The following PLGRKT variants were observed in gnomAD, a reference collection of about 807,000 sequenced individuals.
The protein encoded by PLGRKT is plasminogen receptor with a C-terminal lysine, also known as plasminogen receptor (KT).
PLGRKT carries 22 observed loss-of-function variants against 18.5 expected under a neutral mutation model. That is an observed-to-expected ratio of 1.19 (90% CI 0.85 to 1.70). PLGRKT has a LOEUF of 1.70. Among genes scored for constraint, PLGRKT ranks in the 40% most tolerant of loss-of-function variants. The probability of loss-of-function intolerance (pLI) is 0.00; values close to 1 mark genes in which losing one functional copy is unlikely to be tolerated. For missense variants in PLGRKT, 235 were observed against 174.4 expected (o/e 1.35, Z -1.96); for synonymous variants, 72 against 52.8 (o/e 1.36, Z -1.58).
chr9:5,403,371 A>T (rs1227281693), intron 3 of PLGRKT, among the ~76,000 whole-genome samples: 3 of 149,196 alleles, frequency 2.0e-5, no homozygotes, highest in African/African-American at 7.7e-5. Context: ...TTACAGGCGC[A>T]CGCCACCACT....
At chr9:5,390,883 A>G (rs1817937927) in intron 3 of PLGRKT, among the ~76,000 whole-genome samples, 1 of 151,970 alleles carries the variant, frequency 6.6e-6, no homozygotes, top group African/African-American at 2.4e-5. Flanking sequence ...AATCTTCAAA[A>G]AGAAAAAAGT....
intron 3 of PLGRKT, among the ~76,000 whole-genome samples, chr9:5,413,615 C>T (rs1033110785): frequency 6.6e-6 from 1 of 152,136 alleles, no homozygotes; most frequent in Non-Finnish European, 1.5e-5. Flanking sequence ...CTAAAAAAGG[C>T]AAGGAAAGAG....
intron 3 of PLGRKT, among the ~76,000 whole-genome samples, chr9:5,427,359 T>C (rs1818723082): frequency 6.6e-6 from 1 of 151,986 alleles, no homozygotes; most frequent in South Asian, 2.1e-4. Context: ...AATTTGGATA[T>C]ACCAAAGAGA....
rs1586753206 is a variant in PLGRKT at position 5,436,699 on chromosome 9, GAATA to G, written c.-132-9_-132-6del. 6.6e-6 allele frequency: 1 copy of G among 152,192 alleles called. No individual in the cohort carries two copies. Among genetic ancestry groups the G allele is most frequent in the African/African-American group, 2.4e-5 (1 of 41,428 alleles). The allele number at this position is 152,192 out of a possible 1,614,324, so 9.4% of individuals were successfully genotyped here. ...CTTCCTTATGGGAAACCACACCTGAGAATAAATAAATGCATCACACCTTGTAAAT... is the reference window on the plus strand; with the variant it reads ...CTTCCTTATGGGAAACCACACCTGAGAATAAATGCATCACACCTTGTAAAT... On this transcript the variant is annotated splice_polypyrimidine_tract_variant and splice_region_variant and intron_variant, in intron 1 of 5. Transcript: ENST00000223864.
rs12352648 is a variant in PLGRKT at position 5,402,482 on chromosome 9, C to T, written c.81+29415G>A. ...TTAGGAACCCACTGCCATAGCCAGA[C>T]CACATACCTAAACTCACTGTCTCCC... On this transcript the variant is annotated intron_variant, in intron 3 of 5. Coordinates refer to ENST00000223864, the MANE Select transcript of PLGRKT (RefSeq NM_018465.4). 1.7e-3 allele frequency among the ~76,000 whole-genome samples: 263 copies of T among 152,038 alleles called. 6 individuals are homozygous for T. The highest frequency in any genetic ancestry group is 6.1e-3 in the African/African-American group (250 of 41,312).
intron 3 of PLGRKT, among the ~76,000 whole-genome samples, chr9:5,426,211 A>AG (rs1250902157): frequency 6.6e-6 from 1 of 152,212 alleles, no homozygotes; most frequent in Non-Finnish European, 1.5e-5. Context: ...GAGAACCCCC[A>AG]GGGAGCTTCA....
At chr9:5,415,951 C>CAA (rs59736004) in intron 3 of PLGRKT, among the ~76,000 whole-genome samples, 8 of 137,468 alleles carry the variant, frequency 5.8e-5, no homozygotes, top group South Asian at 2.3e-4. Context: ...GGTGAAATAT[C>CAA]AAAAAAAAAA....
At chr9:5,371,986 C>CTTTGTTTTTTTTTTTTTTTTT (rs1817527393) in intron 3 of PLGRKT, among the ~76,000 whole-genome samples, 1 of 89,152 alleles carries the variant, frequency 1.1e-5, no homozygotes, top group African/African-American at 5.1e-5. Context: ...TCAGAAAATC[C>CTTTGTTTTTTTTTTTTTTTTT]TTTTTTTTTT....
Position 5,431,883 on chromosome 9 carries a change from A to T in PLGRKT, c.81+14T>A, listed in dbSNP as rs570196782. The T allele has an allele frequency of 1.6e-5, 21 of 1,286,132 alleles. No individual in the cohort carries two copies. In the South Asian group the frequency reaches 2.2e-4, roughly 13 times the overall value. 79.7% of individuals were successfully genotyped at this position (1,286,132 alleles called of 1,614,324 possible). On this transcript the variant is annotated intron_variant, in intron 3 of 5. Coordinates refer to ENST00000223864, the MANE Select transcript of PLGRKT (RefSeq NM_018465.4). ...ATTGTAACAACATAATAGCTTAATT[A>T]TTTTAAAACATACCTGAAGTCGAGC...
At chr9:5,363,344 G>A (rs920184280) in intron 3 of PLGRKT, among the ~76,000 whole-genome samples, 1 of 151,678 alleles carries the variant, frequency 6.6e-6, no homozygotes, top group Non-Finnish European at 1.5e-5. Context: ...TGATCCTCTG[G>A]GATCCAGTGG....
chr9:5,431,331 C>T (rs971041857), intron 3 of PLGRKT, among the ~76,000 whole-genome samples: 2 of 151,928 alleles, frequency 1.3e-5, no homozygotes, highest in African/African-American at 4.8e-5. Flanking sequence ...GCCAGGAGTT[C>T]GAGACCAGCC....
chr9:5,365,814 C>T (rs1027038352), intron 3 of PLGRKT, among the ~76,000 whole-genome samples: 1 of 152,144 alleles, frequency 6.6e-6, no homozygotes, highest in African/African-American at 2.4e-5. Context: ...CCTAAAACTA[C>T]TCTCAAATTT....
At chr9:5,367,792 A>G (rs143391730) in intron 3 of PLGRKT, among the ~76,000 whole-genome samples, 1 of 152,278 alleles carries the variant, frequency 6.6e-6, no homozygotes, top group Non-Finnish European at 1.5e-5. Context: ...AACTATCAAC[A>G]GAGTAAACAA....
chr9:5,392,635 C>T (rs1227461203), intron 3 of PLGRKT: 2 of 151,792 alleles, frequency 1.3e-5, no homozygotes, highest in Admixed American at 1.3e-4. Context: ...CATCTTTGGG[C>T]TTCAGTTATC....
At chr9:5,425,112 G>C (rs1441431642) in intron 3 of PLGRKT, among the ~76,000 whole-genome samples, 1 of 152,054 alleles carries the variant, frequency 6.6e-6, no homozygotes, top group African/African-American at 2.4e-5. Context: ...TTGACCAAAA[G>C]TGCTTTGCCT....
intron 3 of PLGRKT, among the ~76,000 whole-genome samples, chr9:5,412,102 C>T (rs1478358687): frequency 1.3e-5 from 2 of 152,134 alleles, no homozygotes; most frequent in South Asian, 4.1e-4. Context: ...TAGTACATGA[C>T]TAGACAAACT....
chr9:5,414,895 T>C (rs1433772265), intron 3 of PLGRKT, among the ~76,000 whole-genome samples: 1 of 152,212 alleles, frequency 6.6e-6, no homozygotes, highest in Non-Finnish European at 1.5e-5. Flanking sequence ...GAAGTGTCAA[T>C]ATGAACTTCT....
chr9:5,393,366 T>C (rs1018874905), intron 3 of PLGRKT, among the ~76,000 whole-genome samples: 10 of 151,936 alleles, frequency 6.6e-5, no homozygotes, highest in African/African-American at 2.4e-4. Context: ...TGGTGGTTTT[T>C]TTCTATGGTT....
intron 3 of PLGRKT, among the ~76,000 whole-genome samples, chr9:5,416,563 T>C (rs1162501718): frequency 6.6e-6 from 1 of 152,164 alleles, no homozygotes; most frequent in Non-Finnish European, 1.5e-5. Flanking sequence ...ATCCACCCCC[T>C]TGCCCAAGCA....
Sources: gnomAD v4.1 joint callset for allele counts (sites outside exome capture counted in the v4.1 genomes callset) on GRCh38, gnomAD v4.1.1 for gene constraint, MANE v1.5 for transcripts, NCBI Gene and HGNC (gene_info 2026-07-23, HGNC 2026-07-21) for gene names.